KCNMB2: variants seen among roughly 807,000 people sequenced by gnomAD.
KCNMB2 encodes the protein calcium-activated potassium channel subunit beta-2.
KCNMB2 carries 9 observed loss-of-function variants against 24.5 expected under a neutral mutation model. The observed-to-expected ratio is 0.37, with a 90% CI of 0.22 to 0.64. KCNMB2 has a LOEUF of 0.64. KCNMB2 is among the 30% of genes least tolerant of loss of function. KCNMB2 has a pLI of 0.63. For synonymous variants in KCNMB2, 109 were observed against 104.4 expected, an observed-to-expected ratio of 1.04 and a Z score of -0.27; for missense variants, 226 against 284.3, an observed-to-expected ratio of 0.79 and a Z score of 1.47.
chr3:178,722,986 T>C (rs904512912), intron 1 of KCNMB2, among the ~76,000 whole-genome samples: 5 of 152,136 alleles, frequency 3.3e-5, no homozygotes, highest in Non-Finnish European at 7.3e-5. Flanking sequence ...GTCCTTTCGA[T>C]ATTGGGCTGT....
intron 1 of KCNMB2, among the ~76,000 whole-genome samples, chr3:178,567,037 A>T (rs1716551405): frequency 6.6e-6 from 1 of 152,208 alleles, no homozygotes; most frequent in Admixed American, 6.5e-5. Context: ...CTGGTACTTA[A>T]TGGAAGTAGT....
chr3:178,751,758 C>T (rs1723859628), intron 1 of KCNMB2, among the ~76,000 whole-genome samples: 1 of 152,182 alleles, frequency 6.6e-6, no homozygotes, highest in African/African-American at 2.4e-5. Context: ...GACAATCAAT[C>T]CCTGAGACTG....
intron 1 of KCNMB2, among the ~76,000 whole-genome samples, chr3:178,593,160 G>A (rs1717739946): frequency 6.6e-6 from 1 of 151,876 alleles, no homozygotes. Context: ...TTATTACCTA[G>A]GTACTTTTAG....
At chr3:178,833,609 CT>C (rs1715121566) in intron 4 of KCNMB2, among the ~76,000 whole-genome samples, 1 of 152,170 alleles carries the variant, frequency 6.6e-6, no homozygotes, top group Admixed American at 6.5e-5. Context: ...AATGGTCTCC[CT>C]CACAGTTACC....
chr3:178,756,747 A>T (rs1289304094), intron 1 of KCNMB2, among the ~76,000 whole-genome samples: 1 of 152,080 alleles, frequency 6.6e-6, no homozygotes, highest in African/African-American at 2.4e-5. Context: ...ACAGGCACAT[A>T]TCAGCCAATT....
At chr3:178,795,617 T>C (rs972618820) in intron 1 of KCNMB2, among the ~76,000 whole-genome samples, 1 of 152,128 alleles carries the variant, frequency 6.6e-6, no homozygotes, top group African/African-American at 2.4e-5. Flanking sequence ...CCAAGGAATG[T>C]GGTGGCCTCT....
At chr3:178,793,334 CCA>C (rs1406743947) in intron 1 of KCNMB2, among the ~76,000 whole-genome samples, 1 of 152,086 alleles carries the variant, frequency 6.6e-6, no homozygotes, top group East Asian at 1.9e-4. Context: ...AGAATGATGC[CCA>C]AGGGTGGATG....
chr3:178,758,060 CTCCAAGAGGATATATATATATACA>C (rs756552952), intron 1 of KCNMB2, among the ~76,000 whole-genome samples: 459 of 33,004 alleles, frequency 0.014, 41 homozygotes, highest in Non-Finnish European at 0.017. Flanking sequence ...ATATATATAT[CTCCAAGAGGATATATATATATACA>C]CAAGAGGATA....
Position 178,828,281 on chromosome 3 carries a change from T to C in KCNMB2, c.331T>C (p.Tyr111His), listed in dbSNP as rs1714913930. 1 of 1,613,778 alleles carries C rather than the reference T, an allele frequency of 6.2e-7. No homozygotes were observed. Among genetic ancestry groups the C allele is most frequent in the African/African-American group, 1.3e-5 (1 of 74,884 alleles). ...CGPDCWKLSQ[Y>H]PCLQVYVNLT... is the part of the protein sequence containing the mutation. Reference sequence around the variant, plus strand: ...TCCAGACTGCTGGAAACTTTCTCAGTACCCCTGCCTCCAGGTGTACGTTAA... The same window carrying C: ...TCCAGACTGCTGGAAACTTTCTCAGCACCCCTGCCTCCAGGTGTACGTTAA... The change falls in exon 4 of 5, where the codon TAC becomes CAC. Residue 111 changes from tyrosine (Y) to histidine (H), a missense_variant. Physicochemically the swap from Tyr to His is moderately conservative, Grantham distance 83 (BLOSUM62 2). Transcript: ENST00000452583.
At chr3:178,590,271 G>C (rs1717616911) in intron 1 of KCNMB2, among the ~76,000 whole-genome samples, 1 of 151,860 alleles carries the variant, frequency 6.6e-6, no homozygotes, top group Admixed American at 6.6e-5. Context: ...AAAAAGATTG[G>C]GTAGAACAAT....
chr3:178,588,524 T>G (rs190066724), intron 1 of KCNMB2, among the ~76,000 whole-genome samples: 2 of 152,292 alleles, frequency 1.3e-5, no homozygotes, highest in East Asian at 3.9e-4. Flanking sequence ...GTGATCTCTG[T>G]TGATATAATG....
intron 4 of KCNMB2, among the ~76,000 whole-genome samples, chr3:178,829,969 G>A (rs1434977119): frequency 1.3e-5 from 2 of 152,016 alleles, no homozygotes; most frequent in Admixed American, 6.6e-5. Flanking sequence ...AAACAGATTC[G>A]TAACCACCGT....
chr3:178,739,575 C>T (rs1723427625), intron 1 of KCNMB2, among the ~76,000 whole-genome samples: 2 of 152,134 alleles, frequency 1.3e-5, no homozygotes, highest in Admixed American at 1.3e-4. Flanking sequence ...AGGATATTGT[C>T]CTTTCCTTGA....
intron 1 of KCNMB2, among the ~76,000 whole-genome samples, chr3:178,572,243 T>C (rs1017757502): frequency 6.6e-6 from 1 of 152,196 alleles, no homozygotes; most frequent in Non-Finnish European, 1.5e-5. Flanking sequence ...TCTGGCAGAA[T>C]CATGCCACTT....
chr3:178,827,998 T>A (rs1489541140), intron 3 of KCNMB2, among the ~76,000 whole-genome samples, 180 bp from the exon 4 acceptor site: 1 of 152,244 alleles, frequency 6.6e-6, no homozygotes, highest in African/African-American at 2.4e-5. Flanking sequence ...TTTGTCTATG[T>A]TATACGGTAG....
chr3:178,640,051 T>G (rs1719667813), intron 1 of KCNMB2, among the ~76,000 whole-genome samples: 1 of 87,016 alleles, frequency 1.1e-5, no homozygotes, highest in South Asian at 3.9e-4. Context: ...ATGTTTTCCC[T>G]TGTCCTAGAA....
intron 1 of KCNMB2, among the ~76,000 whole-genome samples, chr3:178,801,402 C>CA (rs1713772160): frequency 6.6e-6 from 1 of 152,130 alleles, no homozygotes; most frequent in Non-Finnish European, 1.5e-5. Context: ...TCATTCTTCT[C>CA]AAAAGACAAT....
intron 1 of KCNMB2, among the ~76,000 whole-genome samples, chr3:178,724,836 G>T (rs964747114): frequency 6.6e-6 from 1 of 151,936 alleles, no homozygotes; most frequent in Non-Finnish European, 1.5e-5. Flanking sequence ...TATTTCAGGG[G>T]TCTGTATTCT....
chr3:178,561,759 T>C (rs144419399), intron 1 of KCNMB2, among the ~76,000 whole-genome samples: 1 of 152,202 alleles, frequency 6.6e-6, no homozygotes, highest in Non-Finnish European at 1.5e-5. Flanking sequence ...TAATCTGATA[T>C]GCAGCAACTA....
Sources: allele counts gnomAD v4.1 joint callset (sites outside exome capture counted in the v4.1 genomes callset), GRCh38; gene constraint gnomAD v4.1.1; transcripts MANE v1.5; gene names NCBI Gene and HGNC (gene_info 2026-07-23, HGNC 2026-07-21).